DLG2: variants seen among roughly 807,000 people sequenced by gnomAD.
DLG2 encodes discs large MAGUK scaffold protein 2.
In DLG2, 45 loss-of-function variants were observed where a neutral mutation model predicts 132.5. The observed-to-expected ratio is 0.34, with a 90% CI of 0.27 to 0.44. The LOEUF is 0.44. Among genes scored for constraint, DLG2 ranks in the 20% least tolerant of loss-of-function variants. DLG2 has a pLI of 1.00. For synonymous variants in DLG2, 424 were observed against 419.6 expected (o/e 1.01, Z -0.13); for missense variants, 1,045 against 1,196.9 (o/e 0.87, Z 1.87).
chr11:84,808,374 G>T, intron 6 of DLG2, among the ~76,000 whole-genome samples: 1 of 151,962 alleles, frequency 6.6e-6, no homozygotes. Context: ...GTATATATTC[G>T]AAAAGATAAA....
intron 15 of DLG2, among the ~76,000 whole-genome samples, chr11:83,925,086 C>T (rs752048200): frequency 5.9e-5 from 9 of 152,174 alleles, no homozygotes; most frequent in Non-Finnish European, 8.8e-5. Flanking sequence ...CTTAGGTTAA[C>T]GCTGTCTCCA....
chr11:84,470,983 T>C lies in DLG2; in HGVS notation c.519+63587A>G, dbSNP rs2099106968. On this transcript the variant is annotated intron_variant, in intron 7 of 27. Transcript: ENST00000376104. ...CAGGACAGGGAGCCCTCCCTATTTT[T>C]CTTATACACTGTGCTGACTTATACA... Among the ~76,000 whole-genome samples, 3 of 151,892 alleles carry C rather than the reference T, an allele frequency of 2.0e-5. No individual in the cohort carries two copies. The South Asian group carries it at 6.2e-4, about 32-fold the overall frequency.
intron 6 of DLG2, among the ~76,000 whole-genome samples, chr11:85,100,259 T>G (rs1163992412): frequency 1.3e-5 from 2 of 152,148 alleles, no homozygotes; most frequent in African/African-American, 4.8e-5. Flanking sequence ...TTCAGAGTTC[T>G]CTAGTGCTGA....
intron 6 of DLG2, among the ~76,000 whole-genome samples, chr11:84,703,885 C>CACGT (rs1555174954): frequency 2.9e-5 from 2 of 69,246 alleles, no homozygotes; most frequent in Non-Finnish European, 5.0e-5. Context: ...TATATATATA[C>CACGT]ACGTGTGTGT....
rs71036447 is a variant in DLG2, at chr11:84,862,817, CGG to C, written c.357+248842_357+248843del. Among the ~76,000 whole-genome samples, 144 of 46,164 alleles carry C rather than the reference CGG, an allele frequency of 3.1e-3. 1 individual carries two copies. The highest frequency in any genetic ancestry group is 8.9e-3 in the African/African-American group (115 of 12,934). 30.3% of individuals were successfully genotyped at this position (46,164 alleles called of 152,430 possible). A position where few individuals can be genotyped will look rare whatever the true frequency, so the allele number is the denominator to read the frequency against. ...GGGGACATCACACACCAGGTCCTGT[CGG>C]GGGGGGGGGGTGGGGGACTAGGGGA... On this transcript the variant is annotated intron_variant, in intron 6 of 27. Coordinates refer to ENST00000376104, the MANE Select transcript of DLG2 (RefSeq NM_001142699.3).
intron 15 of DLG2, among the ~76,000 whole-genome samples, chr11:83,910,891 T>C (rs1039024754): frequency 6.6e-5 from 10 of 152,052 alleles, no homozygotes; most frequent in African/African-American, 2.4e-4. Context: ...TTTATGGGGA[T>C]ACCAACAAAT....
In DLG2 at chr11:84,749,842, T is replaced by C. The variant is rs187459923; in HGVS notation, c.358-215111A>G. Among the ~76,000 whole-genome samples, 311 of 152,296 alleles carry C rather than the reference T, an allele frequency of 2.0e-3. 2 individuals carry two copies. Among genetic ancestry groups the C allele is most frequent in the African/African-American group, 7.3e-3 (302 of 41,572 alleles). On this transcript the variant is annotated intron_variant, in intron 6 of 27. Transcript: ENST00000376104. ...GGTTTCCTCTACGTGTTTAGCACTATAGTAGCATGTCCTGAAGTTGAATCA... is the reference window on the plus strand; with the variant it reads ...GGTTTCCTCTACGTGTTTAGCACTACAGTAGCATGTCCTGAAGTTGAATCA...
chr11:85,161,788 C>G (rs182464983), intron 4 of DLG2, among the ~76,000 whole-genome samples: 2 of 152,256 alleles, frequency 1.3e-5, no homozygotes, highest in East Asian at 3.9e-4. Context: ...ATTACAACAC[C>G]AACAAGGTGA....
At chr11:84,727,238 T>TA (rs1352102162) in intron 6 of DLG2, among the ~76,000 whole-genome samples, 1 of 152,224 alleles carries the variant, frequency 6.6e-6, no homozygotes, top group South Asian at 2.1e-4. Flanking sequence ...GTCTTACATT[T>TA]AAGTCTTTGA....
rs2099276137 is a variant in DLG2 at position 84,517,123 on chromosome 11, C to G, written c.519+17447G>C. ...TAATTTGGGGATATGGCCCTAAAAG[C>G]ACAGGAAAAAAAAGCAAAAATAGAA... On this transcript the variant is annotated intron_variant, in intron 7 of 27. Transcript: ENST00000376104. Among the ~76,000 whole-genome samples, 3 of 139,336 alleles carry G rather than the reference C, an allele frequency of 2.2e-5. No individual in the cohort carries two copies. The South Asian group carries it at 6.7e-4, about 31-fold the overall frequency. 91.4% of individuals were successfully genotyped at this position (139,336 alleles called of 152,430 possible). A position where few individuals can be genotyped will look rare whatever the true frequency, so the allele number is the denominator to read the frequency against.
At chr11:84,161,029 G>C (rs2095535296) in intron 9 of DLG2, among the ~76,000 whole-genome samples, 2 of 152,198 alleles carry the variant, frequency 1.3e-5, no homozygotes, top group South Asian at 4.1e-4. Flanking sequence ...AGAATTGCTA[G>C]AAAGTCTTGA....
intron 4 of DLG2, among the ~76,000 whole-genome samples, chr11:85,284,000 A>G (rs1312063274): frequency 6.6e-6 from 1 of 151,950 alleles, no homozygotes; most frequent in East Asian, 1.9e-4. Flanking sequence ...ATAAGTTCCA[A>G]ATCATGGAAT....
At chr11:85,599,589 AT>A (rs2080011577) in intron 2 of DLG2, among the ~76,000 whole-genome samples, 3 of 152,180 alleles carry the variant, frequency 2.0e-5, no homozygotes, top group Admixed American at 2.0e-4. Flanking sequence ...CACAGGTGTT[AT>A]GATTAGACAA....
At chr11:85,350,413 T>G (rs2083196424) in intron 3 of DLG2, among the ~76,000 whole-genome samples, 1 of 152,240 alleles carries the variant, frequency 6.6e-6, no homozygotes, top group Admixed American at 6.5e-5. Context: ...TTTAGTTTAA[T>G]TAGATCCCAT....
intron 7 of DLG2, among the ~76,000 whole-genome samples, chr11:84,479,634 A>G (rs2099131347): frequency 6.6e-6 from 1 of 152,162 alleles, no homozygotes; most frequent in Non-Finnish European, 1.5e-5. Flanking sequence ...AGATAGCCAT[A>G]TATTATAATG....
At chr11:85,199,122 G>C (rs1478290753) in intron 4 of DLG2, among the ~76,000 whole-genome samples, 1 of 152,140 alleles carries the variant, frequency 6.6e-6, no homozygotes, top group East Asian at 1.9e-4. Flanking sequence ...AAAATGTTCA[G>C]AGCAACTTTA....
intron 3 of DLG2, among the ~76,000 whole-genome samples, chr11:85,467,020 C>A (rs1311647008): frequency 6.6e-6 from 1 of 152,094 alleles, no homozygotes; most frequent in Non-Finnish European, 1.5e-5. Flanking sequence ...TGAAGAGGTC[C>A]TTCAAATCCC....
chr11:85,280,657 CA>C (rs983608498), intron 4 of DLG2, among the ~76,000 whole-genome samples: 190 of 151,508 alleles, frequency 1.3e-3, no homozygotes, highest in African/African-American at 4.3e-3. Context: ...TTTTTTACAC[CA>C]AAAAAACCCA....
chr11:84,350,813 G>A (rs2098562229), intron 7 of DLG2, among the ~76,000 whole-genome samples: 1 of 151,964 alleles, frequency 6.6e-6, no homozygotes, highest in South Asian at 2.1e-4. Context: ...GGTATTAATG[G>A]AATATTTGCT....
Sources: gnomAD v4.1 joint callset for allele counts (sites outside exome capture counted in the v4.1 genomes callset) on GRCh38, gnomAD v4.1.1 for gene constraint, MANE v1.5 for transcripts, NCBI Gene and HGNC (gene_info 2026-07-23, HGNC 2026-07-21) for gene names.